Variants in MAP3K11 observed in about 807,000 individuals in gnomAD.
MAP3K11 encodes mitogen-activated protein kinase kinase kinase 11.
Under a neutral mutation model 84.9 loss-of-function variants are expected in MAP3K11, and 46 were observed. The ratio of observed to expected loss-of-function variants is 0.54; its 90% confidence interval spans 0.43 to 0.69. MAP3K11 has a LOEUF of 0.69. Ranked by LOEUF, MAP3K11 falls within the 30% of genes least tolerant of loss-of-function variation. The probability of loss-of-function intolerance (pLI) is 0.00; values close to 1 mark genes in which losing one functional copy is unlikely to be tolerated. For synonymous variants in MAP3K11, 527 were observed against 514.7 expected, an observed-to-expected ratio of 1.02 and a Z score of -0.32; for missense variants, 1,053 against 1,198.3, an observed-to-expected ratio of 0.88 and a Z score of 1.79.
In MAP3K11 at chr11:65,613,234, T is replaced by G. The variant is rs1022126157; in HGVS notation, c.523A>C (p.Asn175His). 3.7e-6 allele frequency: 6 copies of G among 1,602,218 alleles called. No individual in the cohort carries two copies. In the Admixed American group the frequency reaches 1.0e-4, roughly 27 times the overall value. ...CACACAGCCTTGAGGGCAATGATGT[T>G]GGGGTGTGCCAGCATGGCGAAGAGC... is the stretch of plus-strand genomic sequence containing the variant. ...ARLFAMLAHP[N>H]IIALKAVCLE... Residue 175 changes from asparagine (N) to histidine (H), a missense_variant, in exon 1 of 10, where the codon AAC (asparagine) becomes CAC (histidine). Physicochemically the swap from Asn to His is moderately conservative, Grantham distance 68. Coordinates refer to ENST00000309100, the MANE Select transcript of MAP3K11 (RefSeq NM_002419.4).
Position 65,605,773 on chromosome 11 carries a change from G to A in MAP3K11, c.1819C>T (p.Pro607Ser). The A allele has an allele frequency of 6.2e-7, 1 of 1,610,014 alleles. No individual in the cohort carries two copies. The highest frequency in any genetic ancestry group is 8.5e-7 in the Non-Finnish European group (1 of 1,178,246). ...GAAGGCCACTCACCATTGAGTGCTGGGGGTGTGGAAGGAGATCCTAAGGGG... is the reference window on the plus strand; with the variant it reads ...GAAGGCCACTCACCATTGAGTGCTGAGGGTGTGGAAGGAGATCCTAAGGGG... The part of the protein sequence containing the change: ...SSPLGSPSTP[P>S]ALNGNPPRPS... Residue 607 changes from proline to serine, a missense_variant, in exon 8 of 10, where the codon CCA becomes TCA. This residue lies in a region of MAP3K11 where 583 missense variants were observed against 566.6 expected (regional missense o/e 1.03). Transcript: ENST00000309100.
intron 8 of MAP3K11, among the ~76,000 whole-genome samples, chr11:65,600,015 C>G (rs1030611038): frequency 3.3e-5 from 5 of 152,222 alleles, no homozygotes; most frequent in African/African-American, 1.2e-4. Flanking sequence ...GCCAGCGACC[C>G]CAGACCCGAA....
chr11:65,610,999 AGAG>A (rs1216184661), intron 1 of MAP3K11: 2 of 152,352 alleles, frequency 1.3e-5, no homozygotes, highest in East Asian at 3.8e-4. Context: ...GGGGTCACCC[AGAG>A]GAGAATGGGC....
intron 1 of MAP3K11, 114 bp downstream of exon 1, chr11:65,612,904 C>T: frequency 7.8e-7 from 1 of 1,274,210 alleles, no homozygotes; most frequent in Non-Finnish European, 1.0e-6. Flanking sequence ...CAGCTGGGAC[C>T]CCCTAGGGTG....
Position 65,599,613 on chromosome 11 carries a change from G to A in MAP3K11, c.1987C>T (p.Pro663Ser). The stretch of plus-strand genomic sequence containing the variant: ...CGCTCGCGTCCTGGGCCTCCCGGCG[G>A]CTGCAGGTCGCGGCCAAGGCCCAGC... ...ASLGLGRDLQ[P>S]PGGPGRERGE... The change falls in exon 9 of 10, where the codon CCG (proline) becomes TCG (serine). Residue 663 changes from proline (P) to serine (S), a missense_variant. Around this residue, in one of 3 missense-constraint regions of MAP3K11, gnomAD observed 583 missense variants for 566.6 expected, o/e 1.03. Transcript: ENST00000309100. 2 of 1,537,960 alleles carry A rather than the reference G, an allele frequency of 1.3e-6. No homozygotes were observed. The highest frequency in any genetic ancestry group is 1.7e-6 in the Non-Finnish European group (2 of 1,148,190).
rs746497837 is a variant in MAP3K11 at position 65,606,023 on chromosome 11, G to A, written c.1662C>T (p.Asp554=). Residue 554 remains aspartate (D), a synonymous_variant, in exon 7 of 10, where the codon GAC becomes GAT. Transcript: ENST00000309100. ...WGRQSPRRLE[D]SSNGERRACW... ...ATGCTCGCCGCTCTCCATTGCTTGA[G>A]TCCTCCAGACGTCGGGGGGACTGGC... 6.2e-7 allele frequency: 1 copy of A among 1,600,312 alleles called. No homozygotes were observed. The highest frequency in any genetic ancestry group is 1.1e-5 in the South Asian group (1 of 89,922).
intron 1 of MAP3K11, chr11:65,610,717 C>G (rs1034162580): frequency 3.3e-5 from 5 of 152,302 alleles, no homozygotes; most frequent in African/African-American, 4.8e-5. Flanking sequence ...GCACCCCAGA[C>G]TGGCAAAGTG....
rs1397142480 is a variant in MAP3K11, at chr11:65,607,370, C to T, written c.1389G>A (p.Gln463=). Residue 463 remains glutamine, a synonymous_variant, in exon 5 of 10, where the codon CAG becomes CAA. Coordinates refer to ENST00000309100, the MANE Select transcript of MAP3K11 (RefSeq NM_002419.4). ...FERELTLLLQ[Q]VDRERPHVRR... Reference sequence around the variant, plus strand: ...GCACGTGCGGTCGCTCGCGGTCCACCTGCTGCAGCAGCAGCGTCAGCTCGC... The same window carrying T: ...GCACGTGCGGTCGCTCGCGGTCCACTTGCTGCAGCAGCAGCGTCAGCTCGC... The T allele has an allele frequency of 2.7e-6, 4 of 1,499,836 alleles. No homozygotes were observed. The highest frequency in any genetic ancestry group is 5.1e-5 in the East Asian group (2 of 38,884). 92.9% of individuals were successfully genotyped at this position (1,499,836 alleles called of 1,614,324 possible). A position where few individuals can be genotyped will look rare whatever the true frequency, so the allele number is the denominator to read the frequency against.
rs151008395 is a variant in MAP3K11, at chr11:65,599,503, C to A, written c.2097G>T (p.Ser699=). 1.2e-5 allele frequency: 18 copies of A among 1,494,440 alleles called. No homozygotes were observed. The highest frequency in any genetic ancestry group is 1.4e-5 in the Non-Finnish European group (16 of 1,127,798). The allele number at this position is 1,494,440 out of a possible 1,614,324, so 92.6% of individuals were successfully genotyped here. A position where few individuals can be genotyped will look rare whatever the true frequency, so the allele number is the denominator to read the frequency against. The change falls in exon 9 of 10, where the codon TCG becomes TCT. Residue 699 remains serine (S), a synonymous_variant. Transcript: ENST00000309100. ...EPPPSPLICF[S]LKTPDSPPTP... ...TGGGCGGGGAGTCGGGCGTCTTGAGCGAGAAGCAGATGAGCGGGGAAGGGG... is the reference window on the plus strand; with the variant it reads ...TGGGCGGGGAGTCGGGCGTCTTGAGAGAGAAGCAGATGAGCGGGGAAGGGG...
intron 1 of MAP3K11, chr11:65,609,968 A>G (rs1324554203): frequency 3.3e-5 from 5 of 152,392 alleles, no homozygotes; most frequent in Non-Finnish European, 2.9e-5. Flanking sequence ...CTCAGCCCCC[A>G]CAGCCCCTGG....
In MAP3K11 at chr11:65,598,618, G is replaced by A. The variant is rs1314257550; in HGVS notation, c.2217C>T (p.Val739=). Residue 739 remains valine (V), a synonymous_variant, in exon 10 of 10, where the codon GTC becomes GTT. Transcript: ENST00000309100. ...RREEEPRGGT[V]SPPPGTSRSA... ...AGCGTGATGTCCCCGGTGGGGGTGA[G>A]ACAGTGCCTCCTGTGAGGATATAGG... is the stretch of plus-strand genomic sequence containing the variant. 3.9e-6 allele frequency: 6 copies of A among 1,522,874 alleles called. No homozygotes were observed. In the South Asian group the frequency reaches 6.4e-5, roughly 16 times the overall value. 94.3% of individuals were successfully genotyped at this position (1,522,874 alleles called of 1,614,324 possible).
intron 8 of MAP3K11, among the ~76,000 whole-genome samples, chr11:65,600,809 C>T (rs1029944507): frequency 5.3e-5 from 8 of 152,116 alleles, no homozygotes; most frequent in Non-Finnish European, 1.2e-4. Context: ...CTCTGCCTTT[C>T]CCCTCCTGCC....
At position 65,613,513 on chromosome 11, in the gene MAP3K11, C is replaced by T. The variant is rs766486524; in HGVS notation, c.244G>A (p.Gly82Ser). The T allele has an allele frequency of 1.9e-6, 3 of 1,610,204 alleles. No homozygotes were observed. ...SRDAAISGDE[G>S]WWAGQVGGQV... ...CCACCCACCTGGCCCGCCCACCAGC[C>T]CTCGTCTCCTGAGATGGCTGCGTCC... The change falls in exon 1 of 10, where the codon GGC becomes AGC. Residue 82 changes from glycine (G) to serine (S), a missense_variant. Transcript: ENST00000309100.
rs925685910 is a variant in MAP3K11 at position 65,598,085 on chromosome 11, G to A, written c.*206C>T. Reference sequence around the variant, plus strand: ...GGCCCCAGTAGGGCAGGTGAGCTGGGGGGACCTACAGGTTTCAGATGTGGG... The same window carrying A: ...GGCCCCAGTAGGGCAGGTGAGCTGGAGGGACCTACAGGTTTCAGATGTGGG... On this transcript the variant is annotated 3_prime_UTR_variant, in exon 10 of 10. Transcript: ENST00000309100. 9.7e-6 allele frequency: 4 copies of A among 413,800 alleles called. No individual in the cohort carries two copies. Among genetic ancestry groups the A allele is most frequent in the East Asian group, 3.5e-5 (1 of 28,326 alleles). The allele number at this position is 413,800 out of a possible 1,614,324, so 25.6% of individuals were successfully genotyped here.
chr11:65,607,805 G>T lies in MAP3K11; in HGVS notation c.1081C>A (p.Gln361Lys), dbSNP rs917618420. Reference protein sequence around the residue: ...FAQLMADCWAQDPHRRPDFAS... With the variant: ...FAQLMADCWAKDPHRRPDFAS... Reference sequence around the variant, plus strand: ...AAGTCGGGCCTGCGGTGGGGGTCCTGCGCCCAGCAGTCTAGGGGCACGGCG... The same window carrying T: ...AAGTCGGGCCTGCGGTGGGGGTCCTTCGCCCAGCAGTCTAGGGGCACGGCG... Residue 361 changes from glutamine (Q) to lysine (K), a missense_variant, in exon 4 of 10, where the codon CAG becomes AAG. Gln to Lys is a moderately conservative substitution (Grantham distance 53, BLOSUM62 1). Around this residue, in one of 3 missense-constraint regions of MAP3K11, gnomAD observed 310 missense variants for 464.5 expected, o/e 0.67. Coordinates refer to ENST00000309100, the MANE Select transcript of MAP3K11 (RefSeq NM_002419.4). 1 of 1,611,312 alleles carries T rather than the reference G, an allele frequency of 6.2e-7. No homozygotes were observed. Among genetic ancestry groups the T allele is most frequent in the African/African-American group, 1.3e-5 (1 of 74,892 alleles).
At chr11:65,599,796 G>C in intron 8 of MAP3K11, 28 bp from the exon 9 acceptor site, 1 of 1,584,022 alleles carries the variant, frequency 6.3e-7, no homozygotes, top group Non-Finnish European at 8.5e-7. Context: ...ACAGGTGAGG[G>C]TGTGGCTGGT....
chr11:65,605,752 GC>G lies in MAP3K11; in HGVS notation c.1831+8del. ...AGCCAGATCCTGCCGGGGGAGGAAGGCCACTCACCATTGAGTGCTGGGGGTG... is the reference window on the plus strand; with the variant it reads ...AGCCAGATCCTGCCGGGGGAGGAAGGCACTCACCATTGAGTGCTGGGGGTG... On this transcript the variant is annotated splice_region_variant and intron_variant, in intron 8 of 9. Transcript: ENST00000309100. The G allele has an allele frequency of 6.3e-7, 1 of 1,590,422 alleles. No homozygotes were observed. Among genetic ancestry groups the G allele is most frequent in the Non-Finnish European group, 8.6e-7 (1 of 1,167,564 alleles).
intron 8 of MAP3K11, among the ~76,000 whole-genome samples, chr11:65,602,132 G>C (rs1854462324): frequency 6.7e-6 from 1 of 150,142 alleles, no homozygotes. Flanking sequence ...GAACCCAGGA[G>C]GCGGAGGTTA....
At chr11:65,604,803 T>C (rs1335897182) in intron 8 of MAP3K11, among the ~76,000 whole-genome samples, 2 of 152,158 alleles carry the variant, frequency 1.3e-5, no homozygotes, top group African/African-American at 4.8e-5. Context: ...GGGTCCTACA[T>C]TCTGGCTGTG....
Sources: gnomAD v4.1 joint callset for allele counts (sites outside exome capture counted in the v4.1 genomes callset) on GRCh38, gnomAD v4.1.1 for gene constraint, gnomAD v4.1.1 regional missense constraint, MANE v1.5 for transcripts, NCBI Gene and HGNC (gene_info 2026-07-23, HGNC 2026-07-21) for gene names.